KDM3B: variants seen among roughly 807,000 people sequenced by gnomAD.
The protein encoded by KDM3B is lysine-specific demethylase 3B.
In KDM3B, 10 loss-of-function variants were observed where a neutral mutation model predicts 170.0. The observed-to-expected ratio is 0.06, with a 90% CI of 0.04 to 0.10. The LOEUF is 0.10. KDM3B is among the 10% of genes least tolerant of loss of function. The probability of loss-of-function intolerance (pLI) is 1.00; values close to 1 mark genes in which losing one functional copy is unlikely to be tolerated. For missense variants in KDM3B, 1,394 were observed against 2,195.2 expected (o/e 0.64, Z 7.29); for synonymous variants, 831 against 834.8 (o/e 1.00, Z 0.08).
At chr5:138,401,186 G>A (rs925873613) in intron 11 of KDM3B, among the ~76,000 whole-genome samples, 1 of 150,758 alleles carries the variant, frequency 6.6e-6, no homozygotes, top group South Asian at 2.1e-4. Context: ...CAGGAGAATC[G>A]CTTGAACCCG....
At chr5:138,429,682 C>T (rs188157303) in intron 20 of KDM3B, 144 bp from the exon 21 acceptor site, 9 of 809,182 alleles carry the variant, frequency 1.1e-5, no homozygotes, top group African/African-American at 1.7e-5. Context: ...GGAGCTTAGA[C>T]CAGTATCAAT....
chr5:138,406,218 C>A (rs1354090400), intron 11 of KDM3B, among the ~76,000 whole-genome samples: 1 of 152,098 alleles, frequency 6.6e-6, no homozygotes, highest in African/African-American at 2.4e-5. Flanking sequence ...TGGTGGCACA[C>A]ACCTGTGGTC....
rs1762445841 is a variant in KDM3B at position 138,392,002 on chromosome 5, T to C, written c.2370T>C (p.Pro790=). ...ATTTTTCACAGGAGAACAAAGCTCC[T>C]TTTGAAGCTGTGAAAAGGTTCTCAC... is the stretch of plus-strand genomic sequence containing the variant. ...PADFSQENKA[P]FEAVKRFSLD... Residue 790 remains proline (P), a synonymous_variant, in exon 8 of 24, where the codon CCT becomes CCC. Coordinates refer to ENST00000314358, the MANE Select transcript of KDM3B (RefSeq NM_016604.4). The C allele has an allele frequency of 6.2e-7, 1 of 1,613,870 alleles. No homozygotes were observed. The highest frequency in any genetic ancestry group is 1.3e-5 in the African/African-American group (1 of 74,928).
chr5:138,372,898 A>C, intron 2 of KDM3B, 57 bp downstream of exon 2: 1 of 1,459,668 alleles, frequency 6.9e-7, no homozygotes, highest in Non-Finnish European at 9.4e-7. Context: ...TAATATAACT[A>C]TGACATGTTA....
At chr5:138,363,838 G>T (rs569470907) in intron 1 of KDM3B, among the ~76,000 whole-genome samples, 1 of 151,956 alleles carries the variant, frequency 6.6e-6, no homozygotes, top group Admixed American at 6.5e-5. Flanking sequence ...GAGCCATTGC[G>T]CCTGGCCTCA....
At chr5:138,420,988 T>G in intron 15 of KDM3B, 26 bp downstream of exon 15, 1 of 1,611,078 alleles carries the variant, frequency 6.2e-7, no homozygotes, top group South Asian at 1.1e-5. Context: ...AACTGTAGCC[T>G]TTTCAGCTTT....
At chr5:138,420,350 TG>T (rs1210390880) in intron 14 of KDM3B, among the ~76,000 whole-genome samples, 1 of 152,204 alleles carries the variant, frequency 6.6e-6, no homozygotes, top group Non-Finnish European at 1.5e-5. Context: ...TCAGAATCTC[TG>T]GGGGTAAAGA....
intron 11 of KDM3B, among the ~76,000 whole-genome samples, chr5:138,409,377 T>G (rs1292040500): frequency 1.3e-5 from 2 of 152,186 alleles, no homozygotes; most frequent in East Asian, 3.8e-4. Flanking sequence ...CAAAGATCAA[T>G]TATTTTTCTG....
chr5:138,410,347 C>G (rs1241170926), intron 11 of KDM3B, among the ~76,000 whole-genome samples: 1 of 152,100 alleles, frequency 6.6e-6, no homozygotes, highest in African/African-American at 2.4e-5. Context: ...AATTAAGACA[C>G]TGTGGTAAGG....
At chr5:138,419,732 C>CACACAT (rs1414948941) in intron 14 of KDM3B, among the ~76,000 whole-genome samples, 86 of 49,586 alleles carry the variant, frequency 1.7e-3, no homozygotes, top group South Asian at 0.011. Context: ...CACACATACA[C>CACACAT]ACACACACAC....
At chr5:138,377,328 C>T (rs757062873) in intron 3 of KDM3B, among the ~76,000 whole-genome samples, 1 of 152,206 alleles carries the variant, frequency 6.6e-6, no homozygotes, top group African/African-American at 2.4e-5. Context: ...CCTTTAATAG[C>T]CTATTGTATG....
At chr5:138,412,429 G>C (rs1035862157) in intron 11 of KDM3B, among the ~76,000 whole-genome samples, 1 of 151,952 alleles carries the variant, frequency 6.6e-6, no homozygotes, top group African/African-American at 2.4e-5. Flanking sequence ...CAAGGCAGTG[G>C]GATTGCTTGA....
chr5:138,377,658 G>T lies in KDM3B; in HGVS notation c.475-62G>T, dbSNP rs576848615. 41 of 1,175,664 alleles carry T rather than the reference G, an allele frequency of 3.5e-5. No individual in the cohort carries two copies. In the African/African-American group the frequency reaches 5.5e-4, roughly 16 times the overall value. 72.8% of individuals were successfully genotyped at this position (1,175,664 alleles called of 1,614,324 possible). The stretch of plus-strand genomic sequence containing the variant: ...GCTCCTTAGGATATGATTTTTCTCA[G>T]CTGATTAGATGTTTGCTATTCATTT... On this transcript the variant is annotated intron_variant, in intron 3 of 23. Coordinates refer to ENST00000314358, the MANE Select transcript of KDM3B (RefSeq NM_016604.4).
At chr5:138,413,550 G>A (rs766986273) in intron 11 of KDM3B, among the ~76,000 whole-genome samples, 59 of 152,268 alleles carry the variant, frequency 3.9e-4, no homozygotes, top group Non-Finnish European at 7.1e-4. Context: ...ACCTGGCATC[G>A]CACTGCTAGG....
chr5:138,398,463 A>G, intron 10 of KDM3B, 71 bp downstream of exon 10: 3 of 1,366,770 alleles, frequency 2.2e-6, no homozygotes, highest in Non-Finnish European at 3.1e-6. Context: ...ACTTAACGGG[A>G]AGATTGGGGA....
chr5:138,410,632 C>T (rs894094424), intron 11 of KDM3B, among the ~76,000 whole-genome samples: 1 of 152,176 alleles, frequency 6.6e-6, no homozygotes, highest in African/African-American at 2.4e-5. Context: ...ACCACTACCA[C>T]CAATGCACGG....
At chr5:138,382,203 T>G (rs912810643) in intron 6 of KDM3B, among the ~76,000 whole-genome samples, 1 of 152,120 alleles carries the variant, frequency 6.6e-6, no homozygotes, top group Non-Finnish European at 1.5e-5. Context: ...ATCCCAGCAC[T>G]TTGGGAGGCC....
intron 3 of KDM3B, among the ~76,000 whole-genome samples, chr5:138,376,323 T>C (rs762496533): frequency 1.6e-4 from 25 of 152,132 alleles, no homozygotes; most frequent in Admixed American, 8.5e-4. Flanking sequence ...AAAGTACTTT[T>C]GGTGGCTGAG....
At chr5:138,376,049 T>C (rs889884164) in intron 3 of KDM3B, among the ~76,000 whole-genome samples, 5 of 152,108 alleles carry the variant, frequency 3.3e-5, no homozygotes, top group African/African-American at 4.8e-5. Context: ...CCATCTCGCC[T>C]CACTGCAACG....
Sources: gnomAD v4.1 joint callset for allele counts (sites outside exome capture counted in the v4.1 genomes callset) on GRCh38, gnomAD v4.1.1 for gene constraint, MANE v1.5 for transcripts, NCBI Gene and HGNC (gene_info 2026-07-23, HGNC 2026-07-21) for gene names.